VWA3B: variants seen among roughly 807,000 people sequenced by gnomAD.
VWA3B encodes the protein von Willebrand factor A domain containing 3B.
VWA3B carries 138 observed loss-of-function variants against 158.3 expected under a neutral mutation model. The ratio of observed to expected loss-of-function variants is 0.87; its 90% CI spans 0.76 to 1.00. The LOEUF is 1.00. Among genes scored for constraint, VWA3B ranks in the 50% least tolerant of loss-of-function variants. The pLI is 0.00. For synonymous variants in VWA3B, 596 were observed against 587.3 expected (o/e 1.01, Z -0.21); for missense variants, 1,555 against 1,565.1 (o/e 0.99, Z 0.11).
intron 14 of VWA3B, among the ~76,000 whole-genome samples, chr2:98,220,665 C>T (rs190812136): frequency 1.6e-4 from 24 of 152,198 alleles, no homozygotes; most frequent in Admixed American, 2.6e-4. Context: ...ATGTTTATTG[C>T]GGCACAATAA....
chr2:98,264,468 C>A (rs982991521), intron 21 of VWA3B, among the ~76,000 whole-genome samples: 1 of 152,014 alleles, frequency 6.6e-6, no homozygotes, highest in Non-Finnish European at 1.5e-5. Flanking sequence ...GTGATTTATT[C>A]TTTGACACAT....
At chr2:98,217,214 T>C (rs572334962) in intron 13 of VWA3B, among the ~76,000 whole-genome samples, 9 of 152,264 alleles carry the variant, frequency 5.9e-5, no homozygotes, top group African/African-American at 2.2e-4. Flanking sequence ...AATCAGAAAG[T>C]TGAAGCAAAC....
intron 20 of VWA3B, 117 bp from the exon 21 acceptor site, chr2:98,256,007 G>T: frequency 9.2e-7 from 1 of 1,084,774 alleles, no homozygotes. Flanking sequence ...CATGACAGTG[G>T]CCTGGCTCAG....
intron 5 of VWA3B, among the ~76,000 whole-genome samples, chr2:98,123,620 G>T (rs1429482869): frequency 6.6e-6 from 1 of 152,210 alleles, no homozygotes; most frequent in Non-Finnish European, 1.5e-5. Context: ...ATGAATTACT[G>T]TTGTGTCTCA....
intron 13 of VWA3B, among the ~76,000 whole-genome samples, chr2:98,215,527 C>CT (rs1175002429): frequency 6.6e-6 from 1 of 150,782 alleles, no homozygotes; most frequent in Non-Finnish European, 1.5e-5. Context: ...CTCTTTTTTT[C>CT]TTTTCTTTGA....
chr2:98,132,448 G>A (rs1039029386), intron 6 of VWA3B, among the ~76,000 whole-genome samples: 2 of 152,218 alleles, frequency 1.3e-5, no homozygotes, highest in African/African-American at 2.4e-5. Flanking sequence ...ACTGGACTCC[G>A]GCTTCCCCTG....
intron 9 of VWA3B, among the ~76,000 whole-genome samples, chr2:98,187,507 G>T (rs1373088445): frequency 6.6e-6 from 1 of 152,124 alleles, no homozygotes; most frequent in African/African-American, 2.4e-5. Flanking sequence ...GCCTCCTCCA[G>T]AATGGTCTCG....
At chr2:98,299,705 C>T (rs191931716) in intron 24 of VWA3B, among the ~76,000 whole-genome samples, 3 of 152,342 alleles carry the variant, frequency 2.0e-5, no homozygotes, top group Non-Finnish European at 4.4e-5. Context: ...TCCCTTTCTA[C>T]GTCTTGGTGA....
intron 2 of VWA3B, among the ~76,000 whole-genome samples, chr2:98,112,946 A>T (rs1398325716): frequency 2.0e-5 from 3 of 151,888 alleles, no homozygotes; most frequent in Non-Finnish European, 4.4e-5. Flanking sequence ...GCCCATACAG[A>T]TATTGTACTT....
chr2:98,102,650 A>C (rs559849822), intron 2 of VWA3B, among the ~76,000 whole-genome samples: 1 of 152,332 alleles, frequency 6.6e-6, no homozygotes, highest in African/African-American at 2.4e-5. Context: ...GAATTTTTTC[A>C]TCTAAGTTCG....
intron 19 of VWA3B, among the ~76,000 whole-genome samples, chr2:98,246,158 C>A (rs1574185205): frequency 6.6e-6 from 1 of 152,172 alleles, no homozygotes; most frequent in South Asian, 2.1e-4. Flanking sequence ...AGTAAAAGTC[C>A]TATCTACCTT....
intron 9 of VWA3B, among the ~76,000 whole-genome samples, chr2:98,186,744 C>G (rs546555511): frequency 6.6e-6 from 1 of 152,248 alleles, no homozygotes; most frequent in Admixed American, 6.5e-5. Flanking sequence ...CCTTCTGGCT[C>G]TTTGCTTCTG....
chr2:98,105,513 CCCT>C (rs1375262280), intron 2 of VWA3B, among the ~76,000 whole-genome samples: 1 of 152,098 alleles, frequency 6.6e-6, no homozygotes, highest in Non-Finnish European at 1.5e-5. Flanking sequence ...CTATGTTACC[CCCT>C]CCTATGTTTT....
intron 2 of VWA3B, among the ~76,000 whole-genome samples, chr2:98,112,921 C>G (rs941320112): frequency 2.6e-5 from 4 of 151,940 alleles, no homozygotes; most frequent in Admixed American, 2.6e-4. Flanking sequence ...TCTGGTACCT[C>G]CAATCTGCTG....
rs1422683972 is a variant in VWA3B at position 98,128,460 on chromosome 2, C to G, written c.872+52C>G. ...ACAGCAAGCGGGTTGCCTGCTCACA[C>G]AGGATCAACAGTGGGTCTTGCATTC... On this transcript the variant is annotated intron_variant, in intron 6 of 27. Transcript: ENST00000477737. 7.6e-6 allele frequency: 12 copies of G among 1,586,460 alleles called. No homozygotes were observed. In the Admixed American group the frequency reaches 1.7e-4, roughly 22 times the overall value.
At chr2:98,156,296 T>C (rs1276355874) in intron 7 of VWA3B, among the ~76,000 whole-genome samples, 7 of 152,248 alleles carry the variant, frequency 4.6e-5, no homozygotes, top group African/African-American at 1.7e-4. Context: ...GGCTTCCTAG[T>C]TCCTAAGTCA....
At chr2:98,139,328 C>T (rs912527479) in intron 7 of VWA3B, among the ~76,000 whole-genome samples, 8 of 152,340 alleles carry the variant, frequency 5.3e-5, no homozygotes, top group South Asian at 2.1e-4. Context: ...CCCCGACGAG[C>T]GCCACCCCCT....
Position 98,225,107 on chromosome 2 carries a change from T to C in VWA3B, c.2020-3095T>C, listed in dbSNP as rs1226729830. On this transcript the variant is annotated intron_variant, in intron 14 of 27. Coordinates refer to ENST00000477737, the MANE Select transcript of VWA3B (RefSeq NM_144992.5). ...CTGGCCACCATGCCCAGCTAATTTG[T>C]ATTTTTAATAGAGACGGGGTTTCCC... Among the ~76,000 whole-genome samples the C allele has an allele frequency of 2.0e-5, 3 of 152,232 alleles. No homozygotes were observed. In the East Asian group the frequency reaches 5.8e-4, roughly 29 times the overall value.
At chr2:98,203,343 G>C (rs539122599) in intron 12 of VWA3B, among the ~76,000 whole-genome samples, 1 of 152,330 alleles carries the variant, frequency 6.6e-6, no homozygotes, top group East Asian at 1.9e-4. Context: ...TAGCTGTATA[G>C]TGAGCTTTAA....
Sources: gnomAD v4.1 joint callset for allele counts (sites outside exome capture counted in the v4.1 genomes callset) on GRCh38, gnomAD v4.1.1 for gene constraint, MANE v1.5 for transcripts, NCBI Gene and HGNC (gene_info 2026-07-23, HGNC 2026-07-21) for gene names.